TOPAZ1: variants seen among roughly 807,000 people sequenced by gnomAD.
TOPAZ1 encodes testis and ovary specific TOPAZ 1, also known as protein TOPAZ1.
In TOPAZ1, 66 loss-of-function variants were observed where a neutral mutation model predicts 172.2. The observed-to-expected ratio is 0.38, with a 90% CI of 0.31 to 0.47. TOPAZ1 has a LOEUF of 0.47. Among genes scored for constraint, TOPAZ1 ranks in the 20% least tolerant of loss-of-function variants. TOPAZ1 has a pLI of 0.99. For synonymous variants in TOPAZ1, 681 were observed against 683.9 expected (o/e 1.00, Z 0.07); for missense variants, 1,822 against 1,972.4 (o/e 0.92, Z 1.44).
At chr3:44,282,665 C>T (rs992929023) in intron 9 of TOPAZ1, among the ~76,000 whole-genome samples, 5 of 152,124 alleles carry the variant, frequency 3.3e-5, no homozygotes, top group Non-Finnish European at 5.9e-5. Flanking sequence ...AAGATAGACA[C>T]CATGCTTAAT....
At position 44,243,961 on chromosome 3, in the gene TOPAZ1, A is replaced by G; in HGVS notation, c.1455A>G (p.Thr485=). The change falls in exon 2 of 20, where the codon ACA becomes ACG. Residue 485 remains threonine, a synonymous_variant. Transcript: ENST00000309765. ...AATTGAAGTTAAGCTGTCAGAGAACAATACCTATGACTGGTAAAAGAACTT... is the reference window on the plus strand; with the variant it reads ...AATTGAAGTTAAGCTGTCAGAGAACGATACCTATGACTGGTAAAAGAACTT... The part of the protein sequence containing the change: ...SEELKLSCQR[T]IPMTGKRTWP... The G allele has an allele frequency of 1.3e-6, 2 of 1,552,340 alleles. No individual in the cohort carries two copies. Among genetic ancestry groups the G allele is most frequent in the South Asian group, 1.2e-5 (1 of 84,062 alleles).
At chr3:44,242,458 T>C in intron 1 of TOPAZ1, 59 bp downstream of exon 1, 1 of 1,497,132 alleles carries the variant, frequency 6.7e-7, no homozygotes, top group Non-Finnish European at 9.1e-7. Flanking sequence ...TGCTCCATCT[T>C]TGTTTTACCA....
Position 44,242,377 on chromosome 3 carries a change from C to A in TOPAZ1, c.324C>A (p.Leu108=). ...RGLEAAKEAE[L]PLQTERHTKE... Reference sequence around the variant, plus strand: ...TAGAAGCAGCAAAGGAGGCTGAACTCCCCTTGCAAACGGAAAGACACAGTA... The same window carrying A: ...TAGAAGCAGCAAAGGAGGCTGAACTACCCTTGCAAACGGAAAGACACAGTA... Residue 108 remains leucine (L), a synonymous_variant, in exon 1 of 20, where the codon CTC becomes CTA. Coordinates refer to ENST00000309765, the MANE Select transcript of TOPAZ1 (RefSeq NM_001145030.2). 1.3e-6 allele frequency: 2 copies of A among 1,552,340 alleles called. No homozygotes were observed. The highest frequency in any genetic ancestry group is 1.7e-6 in the Non-Finnish European group (2 of 1,147,144).
chr3:44,248,945 TG>T (rs1322112153), intron 2 of TOPAZ1, among the ~76,000 whole-genome samples: 1 of 152,156 alleles, frequency 6.6e-6, no homozygotes, highest in Non-Finnish European at 1.5e-5. Flanking sequence ...GTCTCCACAG[TG>T]GGGAAAGCCC....
chr3:44,247,777 G>A (rs935807656), intron 2 of TOPAZ1, among the ~76,000 whole-genome samples: 3 of 152,158 alleles, frequency 2.0e-5, no homozygotes. Context: ...GGCCTCCTGA[G>A]TAGCAGGGAT....
chr3:44,268,824 T>C (rs974134701), intron 6 of TOPAZ1, among the ~76,000 whole-genome samples: 1 of 152,212 alleles, frequency 6.6e-6, no homozygotes, highest in African/African-American at 2.4e-5. Flanking sequence ...TGTTAATTTT[T>C]TGGGGACACA....
At position 44,243,553 on chromosome 3, in the gene TOPAZ1, C is replaced by A. The variant is rs1436559649; in HGVS notation, c.1047C>A (p.Phe349Leu). 2 of 1,551,196 alleles carry A rather than the reference C, an allele frequency of 1.3e-6. No individual in the cohort carries two copies. The highest frequency in any genetic ancestry group is 2.7e-5 in the African/African-American group (2 of 73,034). Residue 349 changes from phenylalanine (F) to leucine (L), a missense_variant, in exon 2 of 20, where the codon TTC (phenylalanine) becomes TTA (leucine). By Grantham distance (22) the Phe-to-Leu change is conservative (BLOSUM62 0). Transcript: ENST00000309765. ...KADETVTEMN[F>L]SNEYNKSELM... ...ATGAAACAGTTACTGAGATGAACTT[C>A]TCTAATGAGTATAACAAGTCTGAGT...
At chr3:44,302,635 T>C (rs1379098231) in intron 12 of TOPAZ1, among the ~76,000 whole-genome samples, 1 of 152,128 alleles carries the variant, frequency 6.6e-6, no homozygotes, top group Non-Finnish European at 1.5e-5. Context: ...TTTTCATAGT[T>C]TTTCAGTGTT....
At position 44,245,027 on chromosome 3, in the gene TOPAZ1, A is replaced by C. The variant is rs1699546134; in HGVS notation, c.2521A>C (p.Ile841Leu). 1 of 1,551,572 alleles carries C rather than the reference A, an allele frequency of 6.4e-7. No homozygotes were observed. The part of the protein sequence containing the change: ...PVSSEVRGRK[I>L]TKNFSEVGFP... The stretch of plus-strand genomic sequence containing the variant: ...GTCCAGTGAAGTTAGGGGTAGAAAA[A>C]TAACTAAGAATTTTTCAGAGGTAGG... Residue 841 changes from isoleucine to leucine, a missense_variant, in exon 2 of 20, where the codon ATA becomes CTA. Coordinates refer to ENST00000309765, the MANE Select transcript of TOPAZ1 (RefSeq NM_001145030.2).
intron 2 of TOPAZ1, among the ~76,000 whole-genome samples, chr3:44,248,829 G>A (rs1699596139): frequency 6.6e-6 from 1 of 152,188 alleles, no homozygotes. Context: ...GGTAAAACAA[G>A]TAGACAAACT....
rs766049240 is a variant in TOPAZ1, at chr3:44,244,034, G to C, written c.1528G>C (p.Ala510Pro). 10 of 1,551,786 alleles carry C rather than the reference G, an allele frequency of 6.4e-6. No individual in the cohort carries two copies. The highest frequency in any genetic ancestry group is 2.4e-5 in the South Asian group (2 of 84,026). Residue 510 changes from alanine to proline, a missense_variant, in exon 2 of 20, where the codon GCT becomes CCT. Around this residue, in one of 2 missense-constraint regions of TOPAZ1, gnomAD observed 1,489 missense variants for 1,490.8 expected, o/e 1.00. Coordinates refer to ENST00000309765, the MANE Select transcript of TOPAZ1 (RefSeq NM_001145030.2). ...ARISAWCWKK[A>P]SLPESSYFLR... The stretch of plus-strand genomic sequence containing the variant: ...AATATCTGCCTGGTGTTGGAAAAAG[G>C]CTTCCTTGCCAGAATCAAGTTACTT...
At chr3:44,263,563 C>A (rs1398857657) in intron 5 of TOPAZ1, among the ~76,000 whole-genome samples, 2 of 152,004 alleles carry the variant, frequency 1.3e-5, no homozygotes, top group African/African-American at 4.8e-5. Flanking sequence ...AAGTGACATC[C>A]CAAGTTGGGG....
chr3:44,283,062 A>G (rs934275907), intron 9 of TOPAZ1, among the ~76,000 whole-genome samples: 1 of 152,196 alleles, frequency 6.6e-6, no homozygotes, highest in African/African-American at 2.4e-5. Context: ...AAAGGATGTC[A>G]TGAAAAGGAT....
At chr3:44,287,242 A>T in intron 9 of TOPAZ1, 147 bp from the exon 10 acceptor site, 2 of 434,510 alleles carry the variant, frequency 4.6e-6, no homozygotes. Flanking sequence ...ATTTTCATCT[A>T]CTCTTTCTAA....
intron 8 of TOPAZ1, among the ~76,000 whole-genome samples, chr3:44,271,550 A>G (rs986030985): frequency 2.6e-5 from 4 of 152,112 alleles, no homozygotes; most frequent in African/African-American, 9.7e-5. Flanking sequence ...ATGTATATCT[A>G]TATATATAAA....
intron 15 of TOPAZ1, among the ~76,000 whole-genome samples, chr3:44,306,741 C>T (rs769188174): frequency 9.9e-5 from 15 of 152,118 alleles, no homozygotes; most frequent in African/African-American, 3.1e-4. Context: ...TAAATAAAAT[C>T]TCAGTATAGA....
rs1285280046 is a variant in TOPAZ1 at position 44,256,894 on chromosome 3, C to G, written c.2955+616C>G. On this transcript the variant is annotated intron_variant, in intron 4 of 19. Transcript: ENST00000309765. ...GTAGATTGACTTACGGGACATATGC[C>G]TGGCCTTCTTTTCTGCTTTTATATA... Among the ~76,000 whole-genome samples the G allele has an allele frequency of 2.0e-5, 3 of 152,114 alleles. No homozygotes were observed. In the East Asian group the frequency reaches 5.8e-4, roughly 29 times the overall value.
intron 11 of TOPAZ1, among the ~76,000 whole-genome samples, chr3:44,289,000 A>G (rs1281395740): frequency 6.6e-6 from 1 of 152,322 alleles, no homozygotes; most frequent in East Asian, 1.9e-4. Context: ...GCAGTGTACC[A>G]TACTCCATGT....
chr3:44,278,246 AT>A (rs1053040933), intron 8 of TOPAZ1, among the ~76,000 whole-genome samples: 3 of 151,954 alleles, frequency 2.0e-5, no homozygotes, highest in East Asian at 1.9e-4. Context: ...ATCATGATGT[AT>A]TTTTTTTATG....
Sources: allele counts gnomAD v4.1 joint callset (sites outside exome capture counted in the v4.1 genomes callset), GRCh38; gene constraint gnomAD v4.1.1; regional missense constraint gnomAD v4.1.1; transcripts MANE v1.5; gene names NCBI Gene and HGNC (gene_info 2026-07-23, HGNC 2026-07-21).